The following HLX variants were observed in gnomAD, a reference collection of about 807,000 sequenced individuals.
HLX encodes the protein H2.0-like homeobox protein.
In HLX, 6 loss-of-function variants were observed where a neutral mutation model predicts 27.7. That is an observed-to-expected ratio of 0.22 (90% CI 0.12 to 0.43). HLX has a LOEUF of 0.43. Ranked by LOEUF, HLX falls within the 20% of genes least tolerant of loss-of-function variation. The probability of loss-of-function intolerance (pLI) is 1.00; values close to 1 mark genes in which losing one functional copy is unlikely to be tolerated. For missense variants in HLX, 666 were observed against 655.2 expected (o/e 1.02, Z -0.18); for synonymous variants, 328 against 293.8 (o/e 1.12, Z -1.19).
chr1:220,882,047 C>T (rs770150598), intron 2 of HLX, 117 bp from the exon 3 acceptor site: 4 of 908,096 alleles, frequency 4.4e-6, no homozygotes, highest in Non-Finnish European at 7.3e-6. Flanking sequence ...AGGGTGGAAT[C>T]GACAGTTAAC....
chr1:220,880,009 A>T lies in HLX; in HGVS notation c.152A>T (p.His51Leu). The T allele has an allele frequency of 6.3e-7, 1 of 1,595,958 alleles. No homozygotes were observed. Among genetic ancestry groups the T allele is most frequent in the Non-Finnish European group, 8.5e-7 (1 of 1,177,632 alleles). Residue 51 changes from histidine to leucine, a missense_variant, in exon 1 of 4, where the codon CAC (histidine) becomes CTC (leucine). Physicochemically the swap from His to Leu is moderately conservative, Grantham distance 99. Coordinates refer to ENST00000366903, the MANE Select transcript of HLX (RefSeq NM_021958.4). ...KPSFCIADIL[H>L]AGVGDLGAAP... The stretch of plus-strand genomic sequence containing the variant: ...TCCTTCTGCATCGCAGACATTCTGC[A>T]CGCCGGCGTGGGGGATCTGGGGGCG...
At chr1:220,880,576 AC>A (rs1674403948) in intron 1 of HLX, 127 bp downstream of exon 1, 2 of 1,012,252 alleles carry the variant, frequency 2.0e-6, no homozygotes, top group African/African-American at 3.2e-5. Flanking sequence ...AGAGAAGAAA[AC>A]GAATTGTAAG....
intron 3 of HLX, chr1:220,883,936 T>A (rs2102643282): frequency 1.8e-6 from 1 of 546,346 alleles, no homozygotes; most frequent in East Asian, 3.0e-5. Flanking sequence ...TCAGGTCATT[T>A]TAGTCCTGGG....
In HLX at chr1:220,879,759, G is replaced by A; in HGVS notation, c.-99G>A. On this transcript the variant is annotated 5_prime_UTR_variant, in exon 1 of 4. Transcript: ENST00000366903. ...GGAGAAGCGAAAGCGGATCGTCCTCGGCTGCCGCCGCCTTCTCCGGGACTC... is the reference window on the plus strand; with the variant it reads ...GGAGAAGCGAAAGCGGATCGTCCTCAGCTGCCGCCGCCTTCTCCGGGACTC... 1 of 1,446,242 alleles carries A rather than the reference G, an allele frequency of 6.9e-7. No individual in the cohort carries two copies. The highest frequency in any genetic ancestry group is 1.4e-5 in the South Asian group (1 of 70,126). The allele number at this position is 1,446,242 out of a possible 1,614,324, so 89.6% of individuals were successfully genotyped here. A position where few individuals can be genotyped will look rare whatever the true frequency, so the allele number is the denominator to read the frequency against.
rs1344236086 is a variant in HLX, at chr1:220,884,247, C to T, written c.1010C>T (p.Ala337Val). 1 of 1,613,916 alleles carries T rather than the reference C, an allele frequency of 6.2e-7. No individual in the cohort carries two copies. Among genetic ancestry groups the T allele is most frequent in the Non-Finnish European group, 8.5e-7 (1 of 1,179,980 alleles). Residue 337 changes from alanine to valine, a missense_variant, in exon 4 of 4, where the codon GCC (alanine) becomes GTC (valine). Transcript: ENST00000366903. The surrounding 1 kb of genome is among the most constrained non-coding windows in gnomAD (Gnocchi z 4.9). Reference protein sequence around the residue: ...RRMKWRHSKEAQAQKDKDKEA... With the variant: ...RRMKWRHSKEVQAQKDKDKEA... Reference sequence around the variant, plus strand: ...ATGAAGTGGCGGCACTCCAAGGAGGCCCAGGCCCAAAAGGACAAGGACAAG... The same window carrying T: ...ATGAAGTGGCGGCACTCCAAGGAGGTCCAGGCCCAAAAGGACAAGGACAAG...
At chr1:220,881,888 C>T (rs1674453627) in intron 2 of HLX, 4 of 492,432 alleles carry the variant, frequency 8.1e-6, no homozygotes, top group Admixed American at 3.0e-5. Flanking sequence ...GGCCTGATGG[C>T]CACGCATGAG....
In HLX at chr1:220,879,507, G is replaced by A. The variant is rs956074709; in HGVS notation, c.-351G>A. 1 of 368,730 alleles carries A rather than the reference G, an allele frequency of 2.7e-6. No individual in the cohort carries two copies. Among genetic ancestry groups the A allele is most frequent in the African/African-American group, 2.1e-5 (1 of 46,536 alleles). The allele number at this position is 368,730 out of a possible 1,614,324, so 22.8% of individuals were successfully genotyped here. On this transcript the variant is annotated 5_prime_UTR_variant, in exon 1 of 4. Transcript: ENST00000366903. ...TGTTGTTTTAAATTTAGCTCTTAGG[G>A]CTTAGCTATTTGGGTTTTCTTGCGG...
Position 220,884,892 on chromosome 1 carries a change from G to A in HLX, c.*188G>A. 1 of 895,678 alleles carries A rather than the reference G, an allele frequency of 1.1e-6. No homozygotes were observed. The highest frequency in any genetic ancestry group is 1.7e-6 in the Non-Finnish European group (1 of 605,762). The allele number at this position is 895,678 out of a possible 1,614,324, so 55.5% of individuals were successfully genotyped here. A position where few individuals can be genotyped will look rare whatever the true frequency, so the allele number is the denominator to read the frequency against. On this transcript the variant is annotated 3_prime_UTR_variant, in exon 4 of 4. Coordinates refer to ENST00000366903, the MANE Select transcript of HLX (RefSeq NM_021958.4). The surrounding 1 kb of genome is among the most constrained non-coding windows in gnomAD (Gnocchi z 4.9). ...AGCGGACACTGCCCAAAGCAGAGGG[G>A]AGTCTCAGTGTCCTGCTAGCCAGCC... is the stretch of plus-strand genomic sequence containing the variant.
At position 220,882,227 on chromosome 1, in the gene HLX, C is replaced by T; in HGVS notation, c.836C>T (p.Ser279Leu). 1 of 1,614,140 alleles carries T rather than the reference C, an allele frequency of 6.2e-7. No homozygotes were observed. The highest frequency in any genetic ancestry group is 8.5e-7 in the Non-Finnish European group (1 of 1,180,006). ...ACGTACAAAAGGAAGCGTTCATGGT[C>T]GCGCGCTGTGTTCTCCAACCTGCAG... Reference protein sequence around the residue: ...PQTYKRKRSWSRAVFSNLQRK... With the variant: ...PQTYKRKRSWLRAVFSNLQRK... Residue 279 changes from serine (S) to leucine (L), a missense_variant, in exon 3 of 4, where the codon TCG becomes TTG. Physicochemically the swap from Ser to Leu is moderately radical, Grantham distance 145 (BLOSUM62 -2). Coordinates refer to ENST00000366903, the MANE Select transcript of HLX (RefSeq NM_021958.4).
intron 1 of HLX, 82 bp from the exon 2 acceptor site, chr1:220,881,112 C>A: frequency 1.6e-6 from 2 of 1,248,140 alleles, no homozygotes; most frequent in Non-Finnish European, 2.3e-6. Context: ...GAATCCAGGG[C>A]AAGGGGAAGG....
In HLX at chr1:220,880,163, C is replaced by G. The variant is rs1025189629; in HGVS notation, c.306C>G (p.Ser102=). 1.2e-6 allele frequency: 2 copies of G among 1,612,728 alleles called. No individual in the cohort carries two copies. Among genetic ancestry groups the G allele is most frequent in the African/African-American group, 1.3e-5 (1 of 74,906 alleles). Residue 102 remains serine (S), a synonymous_variant, in exon 1 of 4, where the codon TCC becomes TCG. Coordinates refer to ENST00000366903, the MANE Select transcript of HLX (RefSeq NM_021958.4). ...PLRPTPVVAP[S]EVPAGFPQRL... is the part of the protein sequence containing the mutation. ...GACCCACCCCAGTGGTGGCGCCCTCCGAAGTCCCGGCTGGCTTCCCGCAGC... is the reference window on the plus strand; with the variant it reads ...GACCCACCCCAGTGGTGGCGCCCTCGGAAGTCCCGGCTGGCTTCCCGCAGC...
At chr1:220,881,958 GC>G (rs1158721019) in intron 2 of HLX, 1 of 666,048 alleles carries the variant, frequency 1.5e-6, no homozygotes. Flanking sequence ...CTCCACGCTC[GC>G]TTTAGGTCTT....
At position 220,884,759 on chromosome 1, in the gene HLX, C is replaced by T; in HGVS notation, c.*55C>T. On this transcript the variant is annotated 3_prime_UTR_variant, in exon 4 of 4. Coordinates refer to ENST00000366903, the MANE Select transcript of HLX (RefSeq NM_021958.4). The surrounding 1 kb of genome is among the most constrained non-coding windows in gnomAD (Gnocchi z 4.9). ...TTGCGTGCAGCCTCCCAACCATGGGCTGGGTTTTGTGCTTACTGTATGTTG... is the reference window on the plus strand; with the variant it reads ...TTGCGTGCAGCCTCCCAACCATGGGTTGGGTTTTGTGCTTACTGTATGTTG... 6.3e-7 allele frequency: 1 copy of T among 1,585,094 alleles called. No individual in the cohort carries two copies. Among genetic ancestry groups the T allele is most frequent in the Non-Finnish European group, 8.5e-7 (1 of 1,171,700 alleles).
Position 220,884,985 on chromosome 1 carries a change from G to A in HLX, c.*281G>A. 1 of 521,108 alleles carries A rather than the reference G, an allele frequency of 1.9e-6. No individual in the cohort carries two copies. The highest frequency in any genetic ancestry group is 3.4e-6 in the Non-Finnish European group (1 of 292,834). The allele number at this position is 521,108 out of a possible 1,614,324, so 32.3% of individuals were successfully genotyped here. On this transcript the variant is annotated 3_prime_UTR_variant, in exon 4 of 4. Coordinates refer to ENST00000366903, the MANE Select transcript of HLX (RefSeq NM_021958.4). This position sits in a 1 kb window ranked among gnomAD's most constrained non-coding sequence, Gnocchi z 4.9. ...TTTGACTAAACTGTTTCTCTGACTC[G>A]CCCCAGAGGTCGTGGCTCAAAGGCA... is the stretch of plus-strand genomic sequence containing the variant.
rs1359213606 is a variant in HLX, at chr1:220,884,273, G to A, written c.1036G>A (p.Glu346Lys). 4 of 1,613,962 alleles carry A rather than the reference G, an allele frequency of 2.5e-6. No individual in the cohort carries two copies. Among genetic ancestry groups the A allele is most frequent in the Non-Finnish European group, 3.4e-6 (4 of 1,180,002 alleles). ...CCAGGCCCAAAAGGACAAGGACAAG[G>A]AGGCTGGCGAGAAGCCATCAGGTGG... ...EAQAQKDKDK[E>K]AGEKPSGGAP... Residue 346 changes from glutamate (E) to lysine (K), a missense_variant, in exon 4 of 4, where the codon GAG becomes AAG. Coordinates refer to ENST00000366903, the MANE Select transcript of HLX (RefSeq NM_021958.4). The surrounding 1 kb of genome is among the most constrained non-coding windows in gnomAD (Gnocchi z 4.9).
rs753205383 is a variant in HLX, at chr1:220,880,234, A to G, written c.377A>G (p.Gln126Arg). The change falls in exon 1 of 4, where the codon CAA becomes CGA. Residue 126 changes from glutamine (Q) to arginine (R), a missense_variant. By Grantham distance (43) the Gln-to-Arg change is conservative (BLOSUM62 1). Transcript: ENST00000366903. ...GCCTACCACCACCATCACCCGCAAC[A>G]ACAACAGCAGCAGCAACAGCCGCAG... is the stretch of plus-strand genomic sequence containing the variant. ...SAAYHHHHPQ[Q>R]QQQQQQPQQQ... 1 of 1,612,374 alleles carries G rather than the reference A, an allele frequency of 6.2e-7. No homozygotes were observed. The highest frequency in any genetic ancestry group is 1.3e-5 in the African/African-American group (1 of 74,850).
intron 3 of HLX, 87 bp downstream of exon 3, chr1:220,882,435 G>A: frequency 2.4e-6 from 3 of 1,265,352 alleles, no homozygotes; most frequent in Non-Finnish European, 2.3e-6. Flanking sequence ...CATCCCGGCC[G>A]ACTGGCCTCC....
rs780922118 is a variant in HLX at position 220,881,259 on chromosome 1, G to A, written c.658G>A (p.Ala220Thr). Residue 220 changes from alanine to threonine, a missense_variant, in exon 2 of 4, where the codon GCC becomes ACC. Coordinates refer to ENST00000366903, the MANE Select transcript of HLX (RefSeq NM_021958.4). ...GCACCTCTCAGGCCTGCAGCCCTCGGCCGGCCAGTTCTTCGCATCTCTAGA... is the reference window on the plus strand; with the variant it reads ...GCACCTCTCAGGCCTGCAGCCCTCGACCGGCCAGTTCTTCGCATCTCTAGA... ...GVHLSGLQPS[A>T]GQFFASLDPI... is the part of the protein sequence containing the mutation. The A allele has an allele frequency of 3.1e-6, 5 of 1,614,070 alleles. No homozygotes were observed. Among genetic ancestry groups the A allele is most frequent in the East Asian group, 4.5e-5 (2 of 44,898 alleles).
chr1:220,881,229 G>A lies in HLX; in HGVS notation c.628G>A (p.Gly210Arg), dbSNP rs373398191. Residue 210 changes from glycine (G) to arginine (R), a missense_variant, in exon 2 of 4, where the codon GGG (glycine) becomes AGG (arginine). Coordinates refer to ENST00000366903, the MANE Select transcript of HLX (RefSeq NM_021958.4). Reference sequence around the variant, plus strand: ...CCTGCTAACCGGTGGGCGGCCCGCCGGGGTGCACCTCTCAGGCCTGCAGCC... The same window carrying A: ...CCTGCTAACCGGTGGGCGGCCCGCCAGGGTGCACCTCTCAGGCCTGCAGCC... ...TSLLTGGRPAGVHLSGLQPSA... is the reference protein window; with the variant it reads ...TSLLTGGRPARVHLSGLQPSA... 6.2e-6 allele frequency: 10 copies of A among 1,613,942 alleles called. No homozygotes were observed. The highest frequency in any genetic ancestry group is 8.5e-6 in the Non-Finnish European group (10 of 1,179,980).
Sources: allele counts gnomAD v4.1 joint callset, GRCh38; gene constraint gnomAD v4.1.1; non-coding constraint Gnocchi (gnomAD v3.1); transcripts MANE v1.5; gene names NCBI Gene and HGNC (gene_info 2026-07-23, HGNC 2026-07-21).